Variants in RANBP17 observed in about 807,000 individuals in gnomAD.
The protein encoded by RANBP17 is ran-binding protein 17.
Under a neutral mutation model 141.2 loss-of-function variants are expected in RANBP17, and 158 were observed. That is an observed-to-expected ratio of 1.12 (90% CI 0.98 to 1.28). The LOEUF (loss-of-function observed/expected upper bound fraction) is 1.28. Among genes scored for constraint, RANBP17 ranks in the 50% most tolerant of loss-of-function variants. RANBP17 has a pLI of 0.00. For missense variants in RANBP17, 1,438 were observed against 1,290.7 expected, an observed-to-expected ratio of 1.11 and a Z score of -1.75; for synonymous variants, 430 against 450.0, an observed-to-expected ratio of 0.96 and a Z score of 0.56.
At chr5:170,926,947 ACT>A (rs1369844369) in intron 12 of RANBP17, among the ~76,000 whole-genome samples, 2 of 151,788 alleles carry the variant, frequency 1.3e-5, no homozygotes. Flanking sequence ...TATAGAGAGA[ACT>A]CTTATTTTTT....
chr5:171,006,443 G>A (rs1779613850), intron 14 of RANBP17, among the ~76,000 whole-genome samples: 1 of 152,170 alleles, frequency 6.6e-6, no homozygotes, highest in Non-Finnish European at 1.5e-5. Context: ...GATGTCCTTT[G>A]TAGGGATATG....
intron 20 of RANBP17, chr5:171,207,683 A>C (rs1252297700): frequency 6.6e-6 from 1 of 152,190 alleles, no homozygotes; most frequent in African/African-American, 2.4e-5. Flanking sequence ...GAGTTTCAGT[A>C]GCAAATCAGC....
At chr5:171,146,666 T>C (rs909039240) in intron 14 of RANBP17, among the ~76,000 whole-genome samples, 1 of 152,196 alleles carries the variant, frequency 6.6e-6, no homozygotes, top group African/African-American at 2.4e-5. Flanking sequence ...TATTATGCCA[T>C]CTTAAGATAA....
At chr5:170,967,795 T>G (rs1338227366) in intron 13 of RANBP17, among the ~76,000 whole-genome samples, 1 of 151,692 alleles carries the variant, frequency 6.6e-6, no homozygotes, top group Non-Finnish European at 1.5e-5. Context: ...TTTTGAACTT[T>G]GAGTCATGAC....
intron 14 of RANBP17, among the ~76,000 whole-genome samples, chr5:170,976,951 C>G (rs541631720): frequency 6.6e-6 from 1 of 152,130 alleles, no homozygotes; most frequent in African/African-American, 2.4e-5. Flanking sequence ...GGTTTCTTAG[C>G]TATGACATCA....
chr5:171,283,002 A>T (rs1263888256), intron 25 of RANBP17, among the ~76,000 whole-genome samples: 2 of 151,966 alleles, frequency 1.3e-5, no homozygotes, highest in East Asian at 3.9e-4. Flanking sequence ...ATTCCCACAG[A>T]ACTGCTCCTC....
intron 14 of RANBP17, among the ~76,000 whole-genome samples, chr5:171,137,948 G>GATAT (rs1438270128): frequency 6.1e-5 from 5 of 82,628 alleles, no homozygotes; most frequent in Non-Finnish European, 1.3e-4. Context: ...TGTGATATAT[G>GATAT]AGATATATAT....
At chr5:170,903,819 A>G in intron 5 of RANBP17, 1 of 435,528 alleles carries the variant, frequency 2.3e-6, no homozygotes. Context: ...TGCAGTCAAC[A>G]ACATTGTGGC....
At chr5:171,168,514 C>T (rs573172977) in intron 14 of RANBP17, among the ~76,000 whole-genome samples, 6 of 152,208 alleles carry the variant, frequency 3.9e-5, no homozygotes, top group East Asian at 1.9e-4. Flanking sequence ...CTTCTATATA[C>T]GAGAGAGGTT....
intron 14 of RANBP17, among the ~76,000 whole-genome samples, chr5:170,977,372 T>C (rs1777456206): frequency 6.6e-6 from 1 of 151,758 alleles, no homozygotes; most frequent in Non-Finnish European, 1.5e-5. Flanking sequence ...TGTGGAGAAA[T>C]AGGAATCTTC....
In RANBP17 at chr5:170,927,830, A is replaced by G. The variant is rs1006191346; in HGVS notation, c.1468+3280A>G. 5.3e-5 allele frequency among the ~76,000 whole-genome samples: 8 copies of G among 152,204 alleles called. No individual in the cohort carries two copies. The East Asian group carries it at 1.5e-3, about 29-fold the overall frequency. On this transcript the variant is annotated intron_variant, in intron 12 of 27. Transcript: ENST00000523189. The stretch of plus-strand genomic sequence containing the variant: ...GGCTATTGCAAATAATGATGTTATT[A>G]ACATTTTTAGACAAGTCTTTGTATG...
Position 170,967,246 on chromosome 5 carries a change from TTGCCTG to T in RANBP17, c.1575-994_1575-989del, listed in dbSNP as rs1481881108. ...TTGGGAGGAGAATCTGTAGTCATAT[TTGCCTG>T]TACATACATAAAACATTCTCTGGAA... On this transcript the variant is annotated intron_variant, in intron 13 of 27. Transcript: ENST00000523189. 2.6e-5 allele frequency among the ~76,000 whole-genome samples: 4 copies of T among 152,124 alleles called. No homozygotes were observed. The East Asian group carries it at 5.8e-4, about 22-fold the overall frequency.
chr5:170,993,310 A>G (rs1224375494), intron 14 of RANBP17, among the ~76,000 whole-genome samples: 1 of 152,114 alleles, frequency 6.6e-6, no homozygotes, highest in African/African-American at 2.4e-5. Context: ...GAAAACTGCA[A>G]TCAGACCAAT....
intron 14 of RANBP17, among the ~76,000 whole-genome samples, chr5:171,038,162 TTGTG>T (rs61652416): frequency 0.02 from 2,922 of 144,818 alleles, 61 homozygotes; most frequent in African/African-American, 0.06. Context: ...TTCTTAGGTA[TTGTG>T]TGTGTGTGTG....
intron 14 of RANBP17, among the ~76,000 whole-genome samples, chr5:171,023,170 G>C (rs946637435): frequency 1.3e-5 from 2 of 152,182 alleles, no homozygotes; most frequent in African/African-American, 4.8e-5. Flanking sequence ...GCCTATTATA[G>C]TTCTTTTTAA....
chr5:171,026,843 C>T (rs936584164), intron 14 of RANBP17, among the ~76,000 whole-genome samples: 6 of 152,170 alleles, frequency 3.9e-5, no homozygotes, highest in Non-Finnish European at 7.3e-5. Context: ...GGATCCCCAA[C>T]CCCCAGGCCA....
intron 14 of RANBP17, among the ~76,000 whole-genome samples, chr5:171,154,970 C>T (rs1039241143): frequency 6.9e-4 from 104 of 150,630 alleles, no homozygotes; most frequent in African/African-American, 2.3e-3. Flanking sequence ...CCCAGCTACT[C>T]GGGAGGCTGA....
intron 21 of RANBP17, among the ~76,000 whole-genome samples, chr5:171,217,724 G>C (rs1180031489): frequency 2.0e-5 from 3 of 152,068 alleles, no homozygotes; most frequent in Admixed American, 6.5e-5. Flanking sequence ...GATGGTATTT[G>C]TATTTCTGTG....
chr5:170,970,727 A>G (rs1776927732), intron 14 of RANBP17: 1 of 152,208 alleles, frequency 6.6e-6, no homozygotes, highest in East Asian at 1.9e-4. Context: ...TCTCTGCCTT[A>G]TTCTGCCAAC....
Sources: gnomAD v4.1 joint callset for allele counts (sites outside exome capture counted in the v4.1 genomes callset) on GRCh38, gnomAD v4.1.1 for gene constraint, MANE v1.5 for transcripts, NCBI Gene and HGNC (gene_info 2026-07-23, HGNC 2026-07-21) for gene names.